The following MAGI1 variants were observed in gnomAD, a reference collection of about 807,000 sequenced individuals.
MAGI1 encodes membrane associated guanylate kinase, WW and PDZ domain containing 1, also known as membrane-associated guanylate kinase, WW and PDZ domain-containing protein 1.
A neutral mutation model predicts 139.9 loss-of-function variants in MAGI1; 58 were observed. That is an observed-to-expected ratio of 0.41 (90% CI 0.34 to 0.52). The LOEUF (loss-of-function observed/expected upper bound fraction) is 0.52, where lower values mean the gene tolerates loss of function less well. Among genes scored for constraint, MAGI1 ranks in the 20% least tolerant of loss-of-function variants. The pLI is 0.12. For missense variants in MAGI1, 1,874 were observed against 1,901.6 expected, an observed-to-expected ratio of 0.99 and a Z score of 0.27; for synonymous variants, 812 against 737.9, an observed-to-expected ratio of 1.10 and a Z score of -1.63.
At chr3:65,454,204 C>T (rs930569327) in intron 5 of MAGI1, among the ~76,000 whole-genome samples, 1 of 152,160 alleles carries the variant, frequency 6.6e-6, no homozygotes, top group African/African-American at 2.4e-5. Context: ...GCAAACAACT[C>T]CAGTCCAGTA....
intron 1 of MAGI1, among the ~76,000 whole-genome samples, chr3:65,719,348 G>T: frequency 6.6e-6 from 1 of 151,030 alleles, no homozygotes. Flanking sequence ...ATACATTTTT[G>T]TAGAATGTGG....
intron 1 of MAGI1, among the ~76,000 whole-genome samples, chr3:65,932,741 A>G (rs985795030): frequency 1.3e-5 from 2 of 151,848 alleles, no homozygotes; most frequent in African/African-American, 4.9e-5. Flanking sequence ...AAGCCCATCT[A>G]TAGAAAGAAA....
intron 1 of MAGI1, among the ~76,000 whole-genome samples, chr3:65,747,402 T>C (rs1244453389): frequency 6.6e-6 from 1 of 152,206 alleles, no homozygotes; most frequent in Non-Finnish European, 1.5e-5. Flanking sequence ...TGCCCAGAGA[T>C]GGCCAAACAT....
chr3:65,743,026 A>T (rs1402094602), intron 1 of MAGI1, among the ~76,000 whole-genome samples: 1 of 151,432 alleles, frequency 6.6e-6, no homozygotes, highest in East Asian at 1.9e-4. Flanking sequence ...TCAATTGCTT[A>T]AAAAAAAAGA....
chr3:65,604,185 C>T (rs1298136981), intron 2 of MAGI1, among the ~76,000 whole-genome samples: 1 of 150,642 alleles, frequency 6.6e-6, no homozygotes, highest in Non-Finnish European at 1.5e-5. Context: ...TTAAAAACAT[C>T]CAAATGCAAA....
At chr3:65,517,019 C>T (rs753633467) in intron 2 of MAGI1, among the ~76,000 whole-genome samples, 12 of 151,752 alleles carry the variant, frequency 7.9e-5, no homozygotes, top group African/African-American at 1.2e-4. Context: ...TGAGCCACCG[C>T]GCCCGGCCCC....
At chr3:65,614,573 G>C (rs1400042797) in intron 2 of MAGI1, among the ~76,000 whole-genome samples, 1 of 152,078 alleles carries the variant, frequency 6.6e-6, no homozygotes, top group African/African-American at 2.4e-5. Flanking sequence ...TTAAAAAAAG[G>C]TATCAATTTT....
At chr3:65,427,243 T>C (rs756454713) in intron 12 of MAGI1, among the ~76,000 whole-genome samples, 7 of 151,962 alleles carry the variant, frequency 4.6e-5, no homozygotes, top group Admixed American at 1.3e-4. Flanking sequence ...AACTAGGAGG[T>C]TGAGGCTGCA....
chr3:66,032,090 G>A (rs2068632557), intron 1 of MAGI1, among the ~76,000 whole-genome samples: 1 of 152,190 alleles, frequency 6.6e-6, no homozygotes, highest in Non-Finnish European at 1.5e-5. Context: ...TCCTAAACAA[G>A]AAGTAAAAGA....
At chr3:65,529,926 C>T (rs889881363) in intron 2 of MAGI1, among the ~76,000 whole-genome samples, 1 of 152,158 alleles carries the variant, frequency 6.6e-6, no homozygotes, top group Non-Finnish European at 1.5e-5. Context: ...CTTTCTCCAT[C>T]ATTAGCTGAT....
intron 13 of MAGI1, among the ~76,000 whole-genome samples, chr3:65,392,043 A>G (rs1943962043): frequency 6.6e-6 from 1 of 152,214 alleles, no homozygotes; most frequent in Admixed American, 6.5e-5. Flanking sequence ...TTGAAAACCA[A>G]GATCAAACTT....
chr3:65,998,415 C>G (rs1698036318), intron 1 of MAGI1, among the ~76,000 whole-genome samples: 1 of 152,106 alleles, frequency 6.6e-6, no homozygotes, highest in South Asian at 2.1e-4. Flanking sequence ...ATACAGCAAG[C>G]TCTCAATAAA....
chr3:65,582,582 A>C (rs2106653775), intron 2 of MAGI1, among the ~76,000 whole-genome samples: 1 of 144,092 alleles, frequency 6.9e-6, no homozygotes, highest in South Asian at 2.4e-4. Context: ...GACGATTCTG[A>C]GTACAAAATC....
At chr3:65,977,482 AG>A (rs955508184) in intron 1 of MAGI1, among the ~76,000 whole-genome samples, 5 of 152,120 alleles carry the variant, frequency 3.3e-5, no homozygotes, top group African/African-American at 1.2e-4. Context: ...AGGCCAAGGC[AG>A]GTGGATCACC....
intron 1 of MAGI1, among the ~76,000 whole-genome samples, chr3:65,812,480 A>ACACACACCCACG (rs1553711424): frequency 6.8e-6 from 1 of 146,110 alleles, no homozygotes; most frequent in Non-Finnish European, 1.5e-5. Context: ...ACACACACAC[A>ACACACACCCACG]CACACACACA....
At chr3:66,012,569 C>A (rs751470687) in intron 1 of MAGI1, among the ~76,000 whole-genome samples, 3 of 152,012 alleles carry the variant, frequency 2.0e-5, no homozygotes, top group Non-Finnish European at 4.4e-5. Context: ...AGTTTGAGAC[C>A]AGCCTGGCCA....
intron 1 of MAGI1, among the ~76,000 whole-genome samples, chr3:65,868,050 T>A (rs1422445006): frequency 1.3e-5 from 2 of 152,148 alleles, no homozygotes; most frequent in East Asian, 1.9e-4. Context: ...CCATGAATTC[T>A]TAGGGTCCAT....
intron 1 of MAGI1, among the ~76,000 whole-genome samples, chr3:65,732,468 AACC>A (rs112538316): frequency 0.02 from 3,015 of 152,238 alleles, 112 homozygotes; most frequent in African/African-American, 0.069. Flanking sequence ...AATCATTTCA[AACC>A]ACCAGCATCC....
At chr3:65,479,688 T>C (rs1951135170) in intron 3 of MAGI1, among the ~76,000 whole-genome samples, 1 of 152,188 alleles carries the variant, frequency 6.6e-6, no homozygotes, top group South Asian at 2.1e-4. Context: ...GACAGTTTTA[T>C]ATAATAAGAA....
Sources: allele counts gnomAD v4.1 joint callset (sites outside exome capture counted in the v4.1 genomes callset), GRCh38; gene constraint gnomAD v4.1.1; transcripts MANE v1.5; gene names NCBI Gene and HGNC (gene_info 2026-07-23, HGNC 2026-07-21).